Variants in CNTN3 observed in about 807,000 individuals in gnomAD.
CNTN3 encodes the protein contactin-3.
CNTN3 carries 60 observed loss-of-function variants against 119.1 expected under a neutral mutation model. The observed-to-expected ratio is 0.50, with a 90% confidence interval of 0.41 to 0.62. The LOEUF is 0.62. CNTN3 is among the 20% of genes least tolerant of loss of function. The probability of loss-of-function intolerance (pLI) is 0.00; values close to 1 mark genes in which losing one functional copy is unlikely to be tolerated. For missense variants in CNTN3, 1,101 were observed against 1,242.4 expected, an observed-to-expected ratio of 0.89 and a Z score of 1.71; for synonymous variants, 450 against 438.7, an observed-to-expected ratio of 1.03 and a Z score of -0.32.
At chr3:74,556,849 A>G (rs1187544319) in intron 1 of CNTN3, among the ~76,000 whole-genome samples, 1 of 152,190 alleles carries the variant, frequency 6.6e-6, no homozygotes, top group Non-Finnish European at 1.5e-5. Context: ...GGTGTGAAAT[A>G]TATTTCACTT....
At chr3:74,479,122 G>T (rs1400096278) in intron 4 of CNTN3, among the ~76,000 whole-genome samples, 1 of 151,948 alleles carries the variant, frequency 6.6e-6, no homozygotes, top group East Asian at 1.9e-4. Context: ...TCTATTCCAG[G>T]TGGTTCAAGA....
At position 74,431,262 on chromosome 3, in the gene CNTN3, CT is replaced by C. The variant is rs530475410; in HGVS notation, c.359-6323del. 1.6e-4 allele frequency among the ~76,000 whole-genome samples: 25 copies of C among 152,234 alleles called. No homozygotes were observed. The South Asian group carries it at 5.2e-3, about 32-fold the overall frequency. On this transcript the variant is annotated intron_variant, in intron 4 of 22. Transcript: ENST00000263665. The stretch of plus-strand genomic sequence containing the variant: ...AGAAAAGAAACTGGGGTCACTCTGA[CT>C]TTTTTTCTGATATTCTGTGCTCAAT...
Position 74,369,173 on chromosome 3 carries a change from CAAAGCA to C in CNTN3, c.946+10_946+15del. 1 of 1,563,768 alleles carries C rather than the reference CAAAGCA, an allele frequency of 6.4e-7. No individual in the cohort carries two copies. The highest frequency in any genetic ancestry group is 8.6e-7 in the Non-Finnish European group (1 of 1,157,478). ...GTAAAAGCTAAAACTCCAATTTGCC[CAAAGCA>C]GATGCTCACCATAGTAAGTGAGACG... On this transcript the variant is annotated intron_variant, in intron 8 of 22. Transcript: ENST00000263665.
chr3:74,428,990 C>T (rs1701740802), intron 4 of CNTN3, among the ~76,000 whole-genome samples: 1 of 152,150 alleles, frequency 6.6e-6, no homozygotes, highest in South Asian at 2.1e-4. Flanking sequence ...CTATACTATA[C>T]AGCCTAGGTG....
intron 1 of CNTN3, among the ~76,000 whole-genome samples, chr3:74,550,385 G>A (rs1346116645): frequency 2.0e-5 from 3 of 152,188 alleles, no homozygotes; most frequent in Non-Finnish European, 2.9e-5. Flanking sequence ...AAACATGGGA[G>A]TGGGCACAAA....
intron 4 of CNTN3, among the ~76,000 whole-genome samples, chr3:74,431,758 T>A (rs745819065): frequency 6.6e-6 from 1 of 152,180 alleles, no homozygotes; most frequent in East Asian, 1.9e-4. Flanking sequence ...AACATAATAG[T>A]GGCAATATAT....
chr3:74,445,597 T>C (rs563559135), intron 4 of CNTN3, among the ~76,000 whole-genome samples: 1 of 152,372 alleles, frequency 6.6e-6, no homozygotes, highest in African/African-American at 2.4e-5. Flanking sequence ...ATAAGATATT[T>C]ATTTAACTAT....
chr3:74,511,252 C>G (rs781040424), intron 2 of CNTN3, among the ~76,000 whole-genome samples: 2 of 152,050 alleles, frequency 1.3e-5, no homozygotes, highest in Non-Finnish European at 2.9e-5. Flanking sequence ...ATTGACAGAG[C>G]ACAATTTCCA....
At chr3:74,457,459 A>G (rs1237780198) in intron 4 of CNTN3, among the ~76,000 whole-genome samples, 2 of 152,036 alleles carry the variant, frequency 1.3e-5, no homozygotes, top group Non-Finnish European at 2.9e-5. Flanking sequence ...TCTGTAGAAT[A>G]GATATTATAT....
intron 13 of CNTN3, among the ~76,000 whole-genome samples, chr3:74,319,124 C>A (rs907535119): frequency 6.6e-6 from 1 of 152,174 alleles, no homozygotes. Context: ...CCATCCCCAC[C>A]AAGCTACCAA....
At position 74,614,601 on chromosome 3, in the gene CNTN3, A is replaced by ACCG. The variant is rs1458152711; in HGVS notation, c.-294_-292dup. Among the ~76,000 whole-genome samples, 1 of 146,808 alleles carries ACCG rather than the reference A, an allele frequency of 6.8e-6. No individual in the cohort carries two copies. The highest frequency in any genetic ancestry group is 1.5e-5 in the Non-Finnish European group (1 of 66,134). ...CGGCGCCAGCCCGCCCGCCGCTGCC[A>ACCG]CCGCCGCCGCCGCCAAGCGCCAGGC... On this transcript the variant is annotated 5_prime_UTR_variant, in exon 1 of 23. Coordinates refer to ENST00000263665, the MANE Select transcript of CNTN3 (RefSeq NM_020872.3).
Position 74,521,200 on chromosome 3 carries a change from A to G in CNTN3, c.-80-8T>C. The G allele has an allele frequency of 1.6e-6, 1 of 608,640 alleles. No homozygotes were observed. Among genetic ancestry groups the G allele is most frequent in the Admixed American group, 3.7e-5 (1 of 27,272 alleles). The allele number at this position is 608,640 out of a possible 1,614,324, so 37.7% of individuals were successfully genotyped here. A position where few individuals can be genotyped will look rare whatever the true frequency, so the allele number is the denominator to read the frequency against. On this transcript the variant is annotated splice_polypyrimidine_tract_variant and splice_region_variant and intron_variant, in intron 1 of 22. Transcript: ENST00000263665. ...TCAGGTAAATCCTTTAATCTGTAAA[A>G]TATATGTACAAAGAAGTTCGTTAAA...
intron 1 of CNTN3, among the ~76,000 whole-genome samples, chr3:74,578,351 A>T (rs1242442225): frequency 6.6e-6 from 1 of 152,106 alleles, no homozygotes; most frequent in Non-Finnish European, 1.5e-5. Flanking sequence ...AATTTAAAGT[A>T]ACAAACAATT....
At chr3:74,575,967 C>T (rs1439508414) in intron 1 of CNTN3, among the ~76,000 whole-genome samples, 2 of 152,018 alleles carry the variant, frequency 1.3e-5, no homozygotes, top group African/African-American at 2.4e-5. Flanking sequence ...TTCCCTAGCT[C>T]CACCACAAGT....
chr3:74,352,948 A>G (rs1283828400), intron 11 of CNTN3, among the ~76,000 whole-genome samples: 1 of 146,612 alleles, frequency 6.8e-6, no homozygotes, highest in Non-Finnish European at 1.5e-5. Context: ...ACGGATGTAG[A>G]AGAAGATTAA....
intron 5 of CNTN3, among the ~76,000 whole-genome samples, chr3:74,372,079 C>T (rs961446104): frequency 1.3e-5 from 2 of 152,128 alleles, no homozygotes; most frequent in South Asian, 2.1e-4. Context: ...GGTTGATGCT[C>T]CTATACAGAG....
At chr3:74,478,456 T>C (rs1023103533) in intron 4 of CNTN3, among the ~76,000 whole-genome samples, 1 of 152,036 alleles carries the variant, frequency 6.6e-6, no homozygotes. Context: ...TCTTGTAAGG[T>C]ATATTAAATG....
At chr3:74,547,414 G>A (rs1187842565) in intron 1 of CNTN3, among the ~76,000 whole-genome samples, 1 of 152,102 alleles carries the variant, frequency 6.6e-6, no homozygotes, top group East Asian at 1.9e-4. Flanking sequence ...ATATGGGGTA[G>A]ATTCCCAGAA....
intron 5 of CNTN3, among the ~76,000 whole-genome samples, chr3:74,393,999 G>A (rs1047811542): frequency 2.6e-5 from 4 of 152,168 alleles, no homozygotes; most frequent in African/African-American, 7.2e-5. Context: ...TTAGGTAGAG[G>A]AGATATTGTG....
Sources: gnomAD v4.1 joint callset for allele counts (sites outside exome capture counted in the v4.1 genomes callset) on GRCh38, gnomAD v4.1.1 for gene constraint, MANE v1.5 for transcripts, NCBI Gene and HGNC (gene_info 2026-07-23, HGNC 2026-07-21) for gene names.